Variants in TTLL1 observed in about 807,000 individuals in gnomAD.
The protein encoded by TTLL1 is TTL family tubulin polyglutamylase complex subunit L1, also known as polyglutamylase complex subunit TTLL1.
TTLL1 carries 33 observed loss-of-function variants against 47.8 expected under a neutral mutation model. The observed-to-expected ratio is 0.69, with a 90% confidence interval of 0.52 to 0.92. The LOEUF (loss-of-function observed/expected upper bound fraction) is 0.92, where lower values mean the gene tolerates loss of function less well. Ranked by LOEUF, TTLL1 falls within the 40% of genes least tolerant of loss-of-function variation. The pLI is 0.00. For synonymous variants in TTLL1, 225 were observed against 214.1 expected (o/e 1.05, Z -0.45); for missense variants, 488 against 547.5 (o/e 0.89, Z 1.08).
chr22:43,087,911 G>A (rs185636285), intron 1 of TTLL1, among the ~76,000 whole-genome samples: 1 of 151,200 alleles, frequency 6.6e-6, no homozygotes, highest in Non-Finnish European at 1.5e-5. Flanking sequence ...ACTTTGGGAG[G>A]CCGAGGTGGG....
intron 1 of TTLL1, among the ~76,000 whole-genome samples, chr22:43,085,424 T>C (rs916436021): frequency 1.3e-5 from 2 of 152,208 alleles, no homozygotes; most frequent in African/African-American, 4.8e-5. Flanking sequence ...ACTTGACTTG[T>C]AATAATCCCC....
chr22:43,079,614 C>T (rs1928750462), intron 2 of TTLL1, among the ~76,000 whole-genome samples: 1 of 152,218 alleles, frequency 6.6e-6, no homozygotes, highest in Non-Finnish European at 1.5e-5. Flanking sequence ...TAGTGGGTGA[C>T]CTCACACCAG....
At chr22:43,066,723 T>G (rs1192444907) in intron 5 of TTLL1, among the ~76,000 whole-genome samples, 1 of 151,076 alleles carries the variant, frequency 6.6e-6, no homozygotes, top group East Asian at 1.9e-4. Context: ...ACACAGTGGC[T>G]CACCCCCTGT....
intron 8 of TTLL1, among the ~76,000 whole-genome samples, chr22:43,056,165 T>C (rs1306649885): frequency 6.6e-6 from 1 of 151,736 alleles, no homozygotes; most frequent in African/African-American, 2.4e-5. Flanking sequence ...ATGGAGACCA[T>C]CCTAGCCAAC....
intron 4 of TTLL1, 113 bp downstream of exon 4, chr22:43,069,523 C>A: frequency 6.5e-7 from 1 of 1,536,590 alleles, no homozygotes. Flanking sequence ...CACCACAACT[C>A]GCATGGACAT....
chr22:43,079,433 C>T (rs531899835), intron 2 of TTLL1, among the ~76,000 whole-genome samples: 4 of 152,146 alleles, frequency 2.6e-5, no homozygotes, highest in African/African-American at 7.2e-5. Context: ...CCCTCACACC[C>T]GCAGACACGG....
At chr22:43,062,364 G>A (rs558418111) in intron 7 of TTLL1, among the ~76,000 whole-genome samples, 65 of 152,042 alleles carry the variant, frequency 4.3e-4, no homozygotes, top group African/African-American at 1.5e-3. Flanking sequence ...GGTGGCGCAC[G>A]CCTGTGATCC....
chr22:43,063,838 G>C lies in TTLL1; in HGVS notation c.722C>G (p.Thr241Ser), dbSNP rs761062499. The C allele has an allele frequency of 5.6e-6, 9 of 1,614,014 alleles. No individual in the cohort carries two copies. Among genetic ancestry groups the C allele is most frequent in the Middle Eastern group, 3.3e-4 (2 of 6,060 alleles). ...CCCGTGTTTCTGGATGGCGACGTTG[G>C]TGAGATGAACGAACATGTTGTCCAG... ...SELDNMFVHLTNVAIQKHGED... is the reference protein window; with the variant it reads ...SELDNMFVHLSNVAIQKHGED... Residue 241 changes from threonine (T) to serine (S), a missense_variant, in exon 7 of 11, where the codon ACC becomes AGC. Physicochemically the swap from Thr to Ser is moderately conservative, Grantham distance 58 (BLOSUM62 1). Transcript: ENST00000266254.
At chr22:43,058,012 C>T (rs892731794) in intron 8 of TTLL1, among the ~76,000 whole-genome samples, 1 of 151,494 alleles carries the variant, frequency 6.6e-6, no homozygotes, top group African/African-American at 2.4e-5. Flanking sequence ...GGTACGATCT[C>T]GGCTCACTGC....
chr22:43,058,203 C>T (rs1927152823), intron 8 of TTLL1, among the ~76,000 whole-genome samples: 1 of 152,046 alleles, frequency 6.6e-6, no homozygotes, highest in African/African-American at 2.4e-5. Flanking sequence ...CTTGGCCTCC[C>T]AAAGTGCTGG....
intron 10 of TTLL1, among the ~76,000 whole-genome samples, chr22:43,043,590 C>T (rs1286870042): frequency 1.3e-5 from 2 of 152,078 alleles, no homozygotes; most frequent in Non-Finnish European, 2.9e-5. Flanking sequence ...CCTCTGTGGG[C>T]TCCGGAACTC....
intron 8 of TTLL1, among the ~76,000 whole-genome samples, chr22:43,057,527 T>A (rs1025060474): frequency 2.0e-5 from 3 of 152,160 alleles, no homozygotes; most frequent in African/African-American, 7.2e-5. Context: ...ATGGTGGTGA[T>A]TCTTTGAGCT....
At chr22:43,085,489 C>T (rs134984) in intron 1 of TTLL1, among the ~76,000 whole-genome samples, 42,571 of 151,996 alleles carry the variant, frequency 0.28, 7,252 homozygotes, top group East Asian at 0.66. Flanking sequence ...GTGGTTCCCC[C>T]GTACTGTTCT....
chr22:43,080,423 G>C (rs1928801112), intron 1 of TTLL1, among the ~76,000 whole-genome samples: 1 of 152,020 alleles, frequency 6.6e-6, no homozygotes, highest in Admixed American at 6.6e-5. Context: ...CTGGCATCTT[G>C]TTGAACAAAT....
chr22:43,048,275 C>T (rs1468679287), intron 9 of TTLL1, among the ~76,000 whole-genome samples: 1 of 151,730 alleles, frequency 6.6e-6, no homozygotes, highest in Non-Finnish European at 1.5e-5. Context: ...TGAGATCACG[C>T]CACTGCGCTC....
Position 43,044,791 on chromosome 22 carries a change from G to A in TTLL1, c.1142+1619C>T, listed in dbSNP as rs138357538. ...GAGGCCAATGTTTTACAAGGATTAC[G>A]TTATACACCCTTTTCTGCAGTGAGT... On this transcript the variant is annotated intron_variant, in intron 10 of 10. Coordinates refer to ENST00000266254, the MANE Select transcript of TTLL1 (RefSeq NM_012263.5). Among the ~76,000 whole-genome samples the A allele has an allele frequency of 5.5e-3, 834 of 151,958 alleles. 11 individuals carry two copies. Among genetic ancestry groups the A allele is most frequent in the African/African-American group, 0.019 (795 of 41,390 alleles).
chr22:43,060,722 A>G (rs1453093877), intron 7 of TTLL1, among the ~76,000 whole-genome samples: 1 of 152,166 alleles, frequency 6.6e-6, no homozygotes, highest in Non-Finnish European at 1.5e-5. Flanking sequence ...TTAATTCTCC[A>G]TACAATGCTT....
At chr22:43,083,787 A>G (rs982062537) in intron 1 of TTLL1, among the ~76,000 whole-genome samples, 2 of 152,164 alleles carry the variant, frequency 1.3e-5, no homozygotes, top group African/African-American at 4.8e-5. Flanking sequence ...GAGCATATCA[A>G]ACTGGCTTAG....
chr22:43,085,446 G>A (rs1292976425), intron 1 of TTLL1, among the ~76,000 whole-genome samples: 1 of 152,184 alleles, frequency 6.6e-6, no homozygotes, highest in African/African-American at 2.4e-5. Context: ...CGAGTCAAGG[G>A]CAGGGCAAGG....
Sources: gnomAD v4.1 joint callset for allele counts (sites outside exome capture counted in the v4.1 genomes callset) on GRCh38, gnomAD v4.1.1 for gene constraint, MANE v1.5 for transcripts, NCBI Gene and HGNC (gene_info 2026-07-23, HGNC 2026-07-21) for gene names.